CLASP1: variants seen among roughly 807,000 people sequenced by gnomAD.
CLASP1 encodes the protein cytoplasmic linker associated protein 1.
In CLASP1, 38 loss-of-function variants were observed where a neutral mutation model predicts 192.3. The ratio of observed to expected loss-of-function variants is 0.20; its 90% CI spans 0.15 to 0.26. The LOEUF is 0.26. CLASP1 is among the 10% of genes least tolerant of loss of function. CLASP1 has a pLI of 1.00. For synonymous variants in CLASP1, 691 were observed against 712.8 expected (o/e 0.97, Z 0.49); for missense variants, 1,433 against 1,932.5 (o/e 0.74, Z 4.85).
At chr2:121,488,123 T>C (rs2093090009) in intron 8 of CLASP1, among the ~76,000 whole-genome samples, 1 of 152,218 alleles carries the variant, frequency 6.6e-6, no homozygotes, top group Non-Finnish European at 1.5e-5. Context: ...GCCCTGGTAG[T>C]GTTAGTGACC....
rs769864163 is a variant in CLASP1, at chr2:121,548,880, C to T, written c.196-18555G>A. On this transcript the variant is annotated intron_variant, in intron 2 of 39. Transcript: ENST00000263710. ...CAGATAAGCAAATGTTGAAGGAGTT[C>T]GTTACCACCAGACCTGCCTTACAAG... Among the ~76,000 whole-genome samples, 193 of 152,128 alleles carry T rather than the reference C, an allele frequency of 1.3e-3. 2 individuals carry two copies. Among genetic ancestry groups the T allele is most frequent in the Non-Finnish European group, 2.4e-3 (165 of 68,000 alleles).
intron 1 of CLASP1, among the ~76,000 whole-genome samples, chr2:121,619,108 CTACAATG>C (rs2066915023): frequency 6.6e-6 from 1 of 152,184 alleles, no homozygotes; most frequent in Non-Finnish European, 1.5e-5. Flanking sequence ...CAATGATTAA[CTACAATG>C]TAATTACGAC....
At chr2:121,360,601 GAAAAAAA>G (rs61023548) in intron 37 of CLASP1, among the ~76,000 whole-genome samples, 4 of 103,386 alleles carry the variant, frequency 3.9e-5, no homozygotes, top group Admixed American at 1.0e-4. Context: ...CAAGGGAAAA[GAAAAAAA>G]AAAAAAAAAG....
chr2:121,637,094 G>A (rs2071023933), intron 1 of CLASP1, among the ~76,000 whole-genome samples: 1 of 152,056 alleles, frequency 6.6e-6, no homozygotes, highest in South Asian at 2.1e-4. Context: ...CTACCCCAAA[G>A]GTCCTTACAA....
intron 37 of CLASP1, among the ~76,000 whole-genome samples, chr2:121,356,814 T>G (rs2065477870): frequency 2.0e-5 from 3 of 152,152 alleles, no homozygotes; most frequent in Admixed American, 6.5e-5. Context: ...TATCTTCAAA[T>G]GTGGTCAGGT....
intron 37 of CLASP1, among the ~76,000 whole-genome samples, chr2:121,359,802 G>A (rs2066026170): frequency 6.6e-6 from 1 of 152,194 alleles, no homozygotes; most frequent in Admixed American, 6.5e-5. Context: ...CTAAATTGGT[G>A]TCCAAATCCT....
At chr2:121,637,070 G>C (rs538467128) in intron 1 of CLASP1, among the ~76,000 whole-genome samples, 1 of 152,224 alleles carries the variant, frequency 6.6e-6, no homozygotes, top group East Asian at 1.9e-4. Context: ...GAAAGAAATA[G>C]AACATATACT....
chr2:121,639,582 C>T (rs2071621904), intron 1 of CLASP1, among the ~76,000 whole-genome samples: 1 of 151,970 alleles, frequency 6.6e-6, no homozygotes, highest in African/African-American at 2.4e-5. Context: ...TGGTTTAGGC[C>T]AGGCACAGTG....
chr2:121,407,470 C>A lies in CLASP1; in HGVS notation c.2669+1G>T. On this transcript the variant is annotated splice_donor_variant, in intron 25 of 39. Transcript: ENST00000263710. LOFTEE classifies it high-confidence loss of function. ...GCTCATATTCTTGCTGTGGTCCTCA[C>A]CTCAGTGTTCTTTGGCTCTTCAGTA... 1 of 1,613,872 alleles carries A rather than the reference C, an allele frequency of 6.2e-7. No individual in the cohort carries two copies.
intron 2 of CLASP1, among the ~76,000 whole-genome samples, chr2:121,600,952 G>A (rs183995825): frequency 1.5e-4 from 23 of 152,270 alleles, no homozygotes; most frequent in Non-Finnish European, 1.3e-4. Flanking sequence ...AGTCACTCTA[G>A]CAAATGTGAT....
intron 1 of CLASP1, among the ~76,000 whole-genome samples, chr2:121,639,197 A>G (rs1435861323): frequency 6.6e-6 from 1 of 152,072 alleles, no homozygotes; most frequent in East Asian, 2.0e-4. Context: ...GAATGGCGTG[A>G]ACCCGGGAGG....
At chr2:121,626,091 T>C (rs1448361860) in intron 1 of CLASP1, among the ~76,000 whole-genome samples, 1 of 142,456 alleles carries the variant, frequency 7.0e-6, no homozygotes, top group Non-Finnish European at 1.5e-5. Context: ...AGAGCGAGAC[T>C]CCATCTCAAA....
At chr2:121,643,048 T>A (rs1004767316) in intron 1 of CLASP1, among the ~76,000 whole-genome samples, 1 of 152,158 alleles carries the variant, frequency 6.6e-6, no homozygotes, top group African/African-American at 2.4e-5. Context: ...AATTGGACAG[T>A]AGTGAGGGAA....
intron 2 of CLASP1, among the ~76,000 whole-genome samples, chr2:121,531,182 C>T (rs768303422): frequency 1.3e-5 from 2 of 152,002 alleles, no homozygotes; most frequent in African/African-American, 4.8e-5. Context: ...AGAACTTCAC[C>T]CCTTTAACTT....
At chr2:121,403,524 G>A in intron 26 of CLASP1, 1 of 456,526 alleles carries the variant, frequency 2.2e-6, no homozygotes, top group Non-Finnish European at 4.4e-6. Context: ...TCTTTACTAG[G>A]AAAACTGTAG....
intron 1 of CLASP1, among the ~76,000 whole-genome samples, chr2:121,641,014 G>A (rs2071952941): frequency 6.6e-6 from 1 of 152,144 alleles, no homozygotes; most frequent in South Asian, 2.1e-4. Flanking sequence ...TGACTTACCA[G>A]AACTTAAATA....
intron 1 of CLASP1, among the ~76,000 whole-genome samples, chr2:121,646,050 A>C (rs2073114872): frequency 6.6e-6 from 1 of 152,140 alleles, no homozygotes; most frequent in African/African-American, 2.4e-5. Flanking sequence ...CAAACCAAAA[A>C]CTGTATCAGC....
At chr2:121,536,328 C>T (rs60975101) in intron 2 of CLASP1, among the ~76,000 whole-genome samples, 26,664 of 142,840 alleles carry the variant, frequency 0.19, 3,157 homozygotes, top group African/African-American at 0.34. Flanking sequence ...TTGCAGTGAG[C>T]CGAGATTGTG....
At chr2:121,397,337 C>T in intron 29 of CLASP1, 54 bp from the exon 31 acceptor site, 1 of 1,500,854 alleles carries the variant, frequency 6.7e-7, no homozygotes, top group Admixed American at 1.8e-5. Context: ...TCTTTGAACA[C>T]AATTCTTATC....
Sources: gnomAD v4.1 joint callset for allele counts (sites outside exome capture counted in the v4.1 genomes callset) on GRCh38, gnomAD v4.1.1 for gene constraint, MANE v1.5 for transcripts, NCBI Gene and HGNC (gene_info 2026-07-23, HGNC 2026-07-21) for gene names.